The following STOML3 variants were observed in gnomAD, a reference collection of about 807,000 sequenced individuals.
The protein encoded by STOML3 is stomatin like 3.
In STOML3, 31 loss-of-function variants were observed where a neutral mutation model predicts 29.5. The ratio of observed to expected loss-of-function variants is 1.05; its 90% CI spans 0.79 to 1.42. The LOEUF is 1.42. Ranked by LOEUF, STOML3 falls within the 40% of genes most tolerant of loss-of-function variation. The pLI is 0.00. For synonymous variants in STOML3, 122 were observed against 139.8 expected (o/e 0.87, Z 0.90); for missense variants, 380 against 363.0 (o/e 1.05, Z -0.38).
chr13:38,987,427 G>A (rs1868625662), intron 1 of STOML3, among the ~76,000 whole-genome samples: 1 of 151,908 alleles, frequency 6.6e-6, no homozygotes, highest in Non-Finnish European at 1.5e-5. Context: ...AGGAGGCTGA[G>A]GTTGCAGTGA....
intron 1 of STOML3, among the ~76,000 whole-genome samples, chr13:38,977,750 ATTTTTTTTTTTTTTT>A (rs397851686): frequency 1.2e-5 from 1 of 84,186 alleles, no homozygotes; most frequent in Non-Finnish European, 2.3e-5. Flanking sequence ...AAGTCTCCGG[ATTTTTTTTTTTTTTT>A]TTTTTTTTTT....
At chr13:38,985,914 T>TC (rs1451348391) in intron 1 of STOML3, among the ~76,000 whole-genome samples, 3,131 of 112,300 alleles carry the variant, frequency 0.028, 100 homozygotes, top group African/African-American at 0.098. Flanking sequence ...TTTCTTTCTT[T>TC]TTTTTTTTTT....
intron 1 of STOML3, among the ~76,000 whole-genome samples, chr13:38,979,242 A>C (rs1881192497): frequency 6.6e-6 from 1 of 152,236 alleles, no homozygotes; most frequent in African/African-American, 2.4e-5. Flanking sequence ...CTATCATTAC[A>C]CAAGATGGAA....
intron 1 of STOML3, among the ~76,000 whole-genome samples, chr13:38,988,074 C>A (rs1443094519): frequency 3.1e-5 from 3 of 97,860 alleles, no homozygotes; most frequent in African/African-American, 7.4e-5. Flanking sequence ...TATTTTATAT[C>A]ATATATTTTA....
intron 1 of STOML3, among the ~76,000 whole-genome samples, chr13:38,986,067 T>TTTTTTTTA: frequency 6.7e-6 from 1 of 149,386 alleles, no homozygotes. Context: ...GTTTGTTTGT[T>TTTTTTTTA]TTTTGAAATG....
Position 38,988,320 on chromosome 13 carries a change from T to TTTTATATCA in STOML3, c.52+2349_52+2350insTGATATAAA, listed in dbSNP as rs1566211674. 2.1e-4 allele frequency among the ~76,000 whole-genome samples: 12 copies of TTTTATATCA among 57,990 alleles called. 1 individual carries two copies. Among genetic ancestry groups the TTTTATATCA allele is most frequent in the African/African-American group, 1.1e-3 (12 of 10,458 alleles). 38.0% of individuals were successfully genotyped at this position (57,990 alleles called of 152,430 possible). A position where few individuals can be genotyped will look rare whatever the true frequency, so the allele number is the denominator to read the frequency against. Reference sequence around the variant, plus strand: ...TATCATATATTTTATATATAATATATTATATTTTATATATAATATATTATA... The same window carrying TTTTATATCA: ...TATCATATATTTTATATATAATATATTTTATATCATATATTTTATATATAATATATTATA... On this transcript the variant is annotated intron_variant, in intron 1 of 6. Coordinates refer to ENST00000379631, the MANE Select transcript of STOML3 (RefSeq NM_145286.3).
At chr13:38,972,379 C>G in intron 4 of STOML3, 133 bp downstream of exon 4, 1 of 776,450 alleles carries the variant, frequency 1.3e-6, no homozygotes, top group Non-Finnish European at 2.0e-6. Flanking sequence ...AAGGGCAATT[C>G]AAGCAGGTCT....
chr13:38,978,435 T>C (rs1043740686), intron 1 of STOML3, among the ~76,000 whole-genome samples: 3 of 152,216 alleles, frequency 2.0e-5, no homozygotes, highest in African/African-American at 4.8e-5. Context: ...ATTACAGGCA[T>C]GAGCCACTGC....
chr13:38,966,699 T>C lies in STOML3; in HGVS notation c.*126A>G. 1.2e-6 allele frequency: 1 copy of C among 813,398 alleles called. No homozygotes were observed. Among genetic ancestry groups the C allele is most frequent in the South Asian group, 1.7e-5 (1 of 58,352 alleles). The allele number at this position is 813,398 out of a possible 1,614,324, so 50.4% of individuals were successfully genotyped here. ...AGCCTCTAGAGCTTTTTCCTGCCAATGCTCTTCCATCTATGGAGTTACTGT... is the reference window on the plus strand; with the variant it reads ...AGCCTCTAGAGCTTTTTCCTGCCAACGCTCTTCCATCTATGGAGTTACTGT... On this transcript the variant is annotated 3_prime_UTR_variant, in exon 7 of 7. Transcript: ENST00000379631.
chr13:38,985,471 G>A (rs1439591861), intron 1 of STOML3, among the ~76,000 whole-genome samples: 1 of 152,026 alleles, frequency 6.6e-6, no homozygotes, highest in Non-Finnish European at 1.5e-5. Flanking sequence ...AAGAAAAAAT[G>A]TTTTCCTTGC....
chr13:38,988,299 A>AAATATAT (rs1238300965), intron 1 of STOML3, among the ~76,000 whole-genome samples: 1 of 77,678 alleles, frequency 1.3e-5, no homozygotes, highest in African/African-American at 7.5e-5. Flanking sequence ...ATTTTATATC[A>AAATATAT]TATATTTTAT....
intron 1 of STOML3, among the ~76,000 whole-genome samples, chr13:38,984,808 G>T (rs1868445005): frequency 6.6e-6 from 1 of 152,092 alleles, no homozygotes; most frequent in Admixed American, 6.5e-5. Context: ...CTTGTAATTT[G>T]TAGCTAACTT....
intron 4 of STOML3, among the ~76,000 whole-genome samples, chr13:38,971,514 C>T (rs972033789): frequency 6.6e-6 from 1 of 152,190 alleles, no homozygotes; most frequent in South Asian, 2.1e-4. Flanking sequence ...TTCTCTTCCT[C>T]TAACCTGAAC....
intron 1 of STOML3, among the ~76,000 whole-genome samples, chr13:38,987,511 G>A (rs1013347407): frequency 3.7e-4 from 56 of 151,062 alleles, no homozygotes; most frequent in African/African-American, 1.2e-3. Context: ...AATAAATAAA[G>A]TGTGCCAGCA....
rs1880810208 is a variant in STOML3 at position 38,970,203 on chromosome 13, C to A, written c.498G>T (p.Glu166Asp). The part of the protein sequence containing the change: ...TLSQILAGRE[E>D]IAHSIQTLLD... ...TCTTTACCTGGATGCTATGGGCGAT[C>A]TCTTCTCGTCCAGCTAAGATCTGGG... The change falls in exon 5 of 7, where the codon GAG becomes GAT. Residue 166 changes from glutamate to aspartate, a missense_variant. By Grantham distance (45) the Glu-to-Asp change is conservative (BLOSUM62 2). Coordinates refer to ENST00000379631, the MANE Select transcript of STOML3 (RefSeq NM_145286.3). The A allele has an allele frequency of 1.9e-6, 3 of 1,613,128 alleles. No individual in the cohort carries two copies. The highest frequency in any genetic ancestry group is 3.3e-5 in the Admixed American group (2 of 60,012).
chr13:38,990,616 C>G, intron 1 of STOML3, 54 bp downstream of exon 1: 1 of 1,583,730 alleles, frequency 6.3e-7, no homozygotes, highest in Non-Finnish European at 8.7e-7. Flanking sequence ...TGCTACAACT[C>G]CTGCTTTGCC....
intron 1 of STOML3, among the ~76,000 whole-genome samples, chr13:38,985,915 T>TTTTTTTTTTTTTTTTTTTTTTTTTA (rs1868507969): frequency 9.4e-6 from 1 of 106,606 alleles, no homozygotes; most frequent in Admixed American, 9.9e-5. Context: ...TTCTTTCTTT[T>TTTTTTTTTTTTTTTTTTTTTTTTTA]TTTTTTTTTT....
chr13:38,988,995 A>G (rs1354372529), intron 1 of STOML3, among the ~76,000 whole-genome samples: 1 of 146,380 alleles, frequency 6.8e-6, no homozygotes, highest in Non-Finnish European at 1.5e-5. Context: ...CATAATATAT[A>G]TCATACATTA....
intron 3 of STOML3, among the ~76,000 whole-genome samples, chr13:38,975,523 A>G (rs1277675814): frequency 6.6e-6 from 1 of 152,164 alleles, no homozygotes; most frequent in East Asian, 1.9e-4. Flanking sequence ...CAATTTATTC[A>G]AATAAGCCAT....
Sources: gnomAD v4.1 joint callset for allele counts (sites outside exome capture counted in the v4.1 genomes callset) on GRCh38, gnomAD v4.1.1 for gene constraint, MANE v1.5 for transcripts, NCBI Gene and HGNC (gene_info 2026-07-23, HGNC 2026-07-21) for gene names.